CFAP54: variants seen among roughly 807,000 people sequenced by gnomAD.
CFAP54 encodes the protein cilia- and flagella-associated protein 54.
A neutral mutation model predicts 370.4 loss-of-function variants in CFAP54; 290 were observed. The observed-to-expected ratio is 0.78, with a 90% CI of 0.71 to 0.86. The LOEUF (loss-of-function observed/expected upper bound fraction) is 0.86. CFAP54 is among the 40% of genes least tolerant of loss of function. The probability of loss-of-function intolerance (pLI) is 0.00; values close to 1 mark genes in which losing one functional copy is unlikely to be tolerated. For missense variants in CFAP54, 3,399 were observed against 3,528.7 expected, an observed-to-expected ratio of 0.96 and a Z score of 0.93; for synonymous variants, 1,206 against 1,236.5, an observed-to-expected ratio of 0.98 and a Z score of 0.52.
chr12:96,699,901 T>G, intron 45 of CFAP54, 70 bp from the exon 46 acceptor site: 1 of 1,298,604 alleles, frequency 7.7e-7, no homozygotes. Context: ...GACGATTTTC[T>G]CTATACTTTT....
intron 17 of CFAP54, among the ~76,000 whole-genome samples, chr12:96,558,539 A>G (rs1380346812): frequency 6.6e-6 from 1 of 152,220 alleles, no homozygotes; most frequent in African/African-American, 2.4e-5. Flanking sequence ...GCATAAAAAC[A>G]GTCACATAGA....
At chr12:96,810,298 T>A (rs977846139) in intron 63 of CFAP54, among the ~76,000 whole-genome samples, 1 of 152,172 alleles carries the variant, frequency 6.6e-6, no homozygotes, top group Non-Finnish European at 1.5e-5. Context: ...TCCTTCATAG[T>A]GTTGCTAACA....
At chr12:96,502,409 A>AG in intron 2 of CFAP54, among the ~76,000 whole-genome samples, 1 of 151,270 alleles carries the variant, frequency 6.6e-6, no homozygotes, top group East Asian at 1.9e-4. Context: ...AAAAAAAAAA[A>AG]AAAAAAAAAA....
intron 25 of CFAP54, among the ~76,000 whole-genome samples, chr12:96,595,300 A>T (rs1956166535): frequency 6.6e-6 from 1 of 151,982 alleles, no homozygotes. Flanking sequence ...AGCTTATCAC[A>T]TTCAGGAGCC....
In CFAP54 at chr12:96,720,452, C is replaced by T. The variant is rs375428195; in HGVS notation, c.6852C>T (p.Ser2284=). The T allele has an allele frequency of 6.3e-6, 10 of 1,596,884 alleles. No individual in the cohort carries two copies. Among genetic ancestry groups the T allele is most frequent in the South Asian group, 1.1e-5 (1 of 88,624 alleles). Reference sequence around the variant, plus strand: ...AGGACAGGCTAAACTTCCTTCTGTCCGAGGTGGAACAGAAGACCCTGTCTC... The same window carrying T: ...AGGACAGGCTAAACTTCCTTCTGTCTGAGGTGGAACAGAAGACCCTGTCTC... ...EAEDRLNFLL[S]EVEQKTLSQC... is the part of the protein sequence containing the mutation. Residue 2284 remains serine, a synonymous_variant, in exon 50 of 68, where the codon TCC becomes TCT. Coordinates refer to ENST00000524981, the MANE Select transcript of CFAP54 (RefSeq NM_001306084.2).
At chr12:96,687,192 T>G (rs1957339484) in intron 42 of CFAP54, among the ~76,000 whole-genome samples, 1 of 152,206 alleles carries the variant, frequency 6.6e-6, no homozygotes, top group Non-Finnish European at 1.5e-5. Context: ...CTTTCTCTTA[T>G]AAGGGCCATC....
At chr12:96,572,371 C>CTCCAGAAAGAA (rs1955929807) in intron 19 of CFAP54, among the ~76,000 whole-genome samples, 1 of 151,886 alleles carries the variant, frequency 6.6e-6, no homozygotes, top group Non-Finnish European at 1.5e-5. Flanking sequence ...ACGTGAGATG[C>CTCCAGAAAGAA]TCCAGAAAGA....
At chr12:96,658,464 T>C in intron 38 of CFAP54, 118 bp downstream of exon 38, 1 of 1,212,630 alleles carries the variant, frequency 8.2e-7, no homozygotes. Context: ...TATTTCCACT[T>C]ACTGGCATTT....
At chr12:96,834,700 G>A (rs1959180671) in intron 66 of CFAP54, among the ~76,000 whole-genome samples, 1 of 152,230 alleles carries the variant, frequency 6.6e-6, no homozygotes, top group Non-Finnish European at 1.5e-5. Flanking sequence ...TCCAGGCCTG[G>A]GGTCCCAGAA....
chr12:96,781,658 G>T (rs1958582172), intron 60 of CFAP54, among the ~76,000 whole-genome samples: 1 of 152,072 alleles, frequency 6.6e-6, no homozygotes, highest in African/African-American at 2.4e-5. Context: ...CAAGAGATAT[G>T]ACCTGTATTT....
chr12:96,843,040 C>T (rs564540294), intron 66 of CFAP54, among the ~76,000 whole-genome samples: 3 of 152,282 alleles, frequency 2.0e-5, no homozygotes, highest in Non-Finnish European at 4.4e-5. Flanking sequence ...TTCCACTGGA[C>T]CCACAAGGTC....
intron 38 of CFAP54, among the ~76,000 whole-genome samples, chr12:96,658,955 C>G (rs1956957229): frequency 6.6e-6 from 1 of 152,148 alleles, no homozygotes; most frequent in South Asian, 2.1e-4. Context: ...GATTCTGACA[C>G]CAGATGTGTG....
intron 66 of CFAP54, among the ~76,000 whole-genome samples, chr12:96,829,868 T>C (rs985920237): frequency 2.6e-5 from 4 of 152,066 alleles, no homozygotes; most frequent in African/African-American, 9.7e-5. Flanking sequence ...AAACAATAAC[T>C]CCTCAATTCC....
At chr12:96,616,161 T>C (rs1956414763) in intron 26 of CFAP54, among the ~76,000 whole-genome samples, 1 of 152,176 alleles carries the variant, frequency 6.6e-6, no homozygotes, top group Non-Finnish European at 1.5e-5. Flanking sequence ...GGCACATATA[T>C]ACCATGGAAT....
In CFAP54 at chr12:96,829,071, C is replaced by A. The variant is rs980977672; in HGVS notation, c.9154C>A (p.Pro3052Thr). 1.3e-5 allele frequency: 19 copies of A among 1,508,288 alleles called. No homozygotes were observed. The highest frequency in any genetic ancestry group is 1.4e-5 in the African/African-American group (1 of 72,414). 93.4% of individuals were successfully genotyped at this position (1,508,288 alleles called of 1,614,324 possible). The stretch of plus-strand genomic sequence containing the variant: ...ATCTCTGTTTTTGAATGATAAAGAG[C>A]CAACACCACTATCTGAGGTATGTAT... ...IASLFLNDKE[P>T]TPLSEVPFDI... Residue 3052 changes from proline (P) to threonine (T), a missense_variant, in exon 66 of 68, where the codon CCA (proline) becomes ACA (threonine). Physicochemically the swap from Pro to Thr is conservative, Grantham distance 38. Coordinates refer to ENST00000524981, the MANE Select transcript of CFAP54 (RefSeq NM_001306084.2).
At chr12:96,768,031 C>T (rs73381297) in intron 60 of CFAP54, among the ~76,000 whole-genome samples, 2,358 of 152,112 alleles carry the variant, frequency 0.016, 63 homozygotes, top group African/African-American at 0.053. Context: ...GATAGACATT[C>T]ATTTTTTGGC....
At chr12:96,505,351 C>T (rs1440291564) in intron 3 of CFAP54, among the ~76,000 whole-genome samples, 14 of 151,998 alleles carry the variant, frequency 9.2e-5, no homozygotes, top group Admixed American at 6.6e-4. Context: ...TGTGAGCCAC[C>T]GTGCCTGGCC....
Position 96,771,575 on chromosome 12 carries a change from C to T in CFAP54, c.8281+6357C>T, listed in dbSNP as rs1958462537. On this transcript the variant is annotated intron_variant, in intron 60 of 67. Coordinates refer to ENST00000524981, the MANE Select transcript of CFAP54 (RefSeq NM_001306084.2). ...GCTGAGGCAGGAGAATGGCGTGAAC[C>T]CGGGAGGCGGAGCTTGCAGTGAGCC... Among the ~76,000 whole-genome samples the T allele has an allele frequency of 2.0e-5, 3 of 152,140 alleles. No individual in the cohort carries two copies. In the South Asian group the frequency reaches 6.2e-4, roughly 32 times the overall value.
intron 26 of CFAP54, among the ~76,000 whole-genome samples, chr12:96,606,020 A>G (rs921826165): frequency 6.7e-6 from 1 of 150,234 alleles, no homozygotes; most frequent in African/African-American, 2.5e-5. Flanking sequence ...AAAGAAACCA[A>G]CATCATCTCA....
Sources: allele counts gnomAD v4.1 joint callset (sites outside exome capture counted in the v4.1 genomes callset), GRCh38; gene constraint gnomAD v4.1.1; transcripts MANE v1.5; gene names NCBI Gene and HGNC (gene_info 2026-07-23, HGNC 2026-07-21).